Variants in C19orf47 observed in about 807,000 individuals in gnomAD.
C19orf47 encodes the protein chromosome 19 open reading frame 47.
Under a neutral mutation model 32.3 loss-of-function variants are expected in C19orf47, and 18 were observed. That is an observed-to-expected ratio of 0.56 (90% confidence interval 0.39 to 0.83). The LOEUF (loss-of-function observed/expected upper bound fraction) is 0.83. C19orf47 is among the 40% of genes least tolerant of loss of function. The probability of loss-of-function intolerance (pLI) is 0.00; values close to 1 mark genes in which losing one functional copy is unlikely to be tolerated. For synonymous variants in C19orf47, 202 were observed against 211.1 expected, an observed-to-expected ratio of 0.96 and a Z score of 0.37; for missense variants, 484 against 531.6, an observed-to-expected ratio of 0.91 and a Z score of 0.88.
At chr19:40,304,225 G>A in the C19orf47 span, among the ~76,000 whole-genome samples, 1 of 152,086 alleles carries the variant, frequency 6.6e-6, no homozygotes. Context: ...GTTTCAGATA[G>A]GAGAAATGAA....
intron 2 of C19orf47, among the ~76,000 whole-genome samples, chr19:40,338,617 G>A (rs186940652): frequency 8.2e-4 from 124 of 152,016 alleles, no homozygotes; most frequent in Admixed American, 1.4e-3. Flanking sequence ...ACTCCTGACC[G>A]TGTGATCCAC....
chr19:40,316,910 G>T (rs143321241), downstream of C19orf47, among the ~76,000 whole-genome samples: 1 of 151,914 alleles, frequency 6.6e-6, no homozygotes, highest in African/African-American at 2.4e-5. Flanking sequence ...ACTAAGACAC[G>T]TGTATGCTTG....
the C19orf47 span, among the ~76,000 whole-genome samples, chr19:40,311,472 G>A: frequency 6.6e-6 from 1 of 152,016 alleles, no homozygotes; most frequent in Non-Finnish European, 1.5e-5. Flanking sequence ...ACCCTGAGAG[G>A]CGGAGAGTGC....
At chr19:40,310,021 T>C in the C19orf47 span, among the ~76,000 whole-genome samples, 1 of 152,200 alleles carries the variant, frequency 6.6e-6, no homozygotes, top group Non-Finnish European at 1.5e-5. Flanking sequence ...CTAGGGTATA[T>C]ACCCAAGAGA....
At chr19:40,323,548 C>T (rs1331127933) in intron 8 of C19orf47, among the ~76,000 whole-genome samples, 1 of 152,252 alleles carries the variant, frequency 6.6e-6, no homozygotes, top group Non-Finnish European at 1.5e-5. Flanking sequence ...TCCTGTGGGC[C>T]GCACACACTG....
intron 2 of C19orf47, among the ~76,000 whole-genome samples, chr19:40,338,839 G>C (rs527384981): frequency 1.8e-4 from 28 of 152,306 alleles, no homozygotes; most frequent in Non-Finnish European, 3.5e-4. Flanking sequence ...TTTCAAGAGA[G>C]AGTGATAAAG....
At chr19:40,333,306 T>TAAAA (rs1555787133) in intron 5 of C19orf47, among the ~76,000 whole-genome samples, 21 of 150,754 alleles carry the variant, frequency 1.4e-4, no homozygotes, top group African/African-American at 5.1e-4. Flanking sequence ...AATAAATAAA[T>TAAAA]AAAATGGCCC....
chr19:40,302,605 T>C, the C19orf47 span, among the ~76,000 whole-genome samples: 1 of 152,192 alleles, frequency 6.6e-6, no homozygotes, highest in Non-Finnish European at 1.5e-5. Context: ...ATTGATCTCA[T>C]TGTGATTGTG....
At chr19:40,311,098 C>G in the C19orf47 span, among the ~76,000 whole-genome samples, 1 of 151,854 alleles carries the variant, frequency 6.6e-6, no homozygotes, top group Non-Finnish European at 1.5e-5. Context: ...AAAATTGGGC[C>G]GGGTGCAGTG....
rs1202108791 is a variant in C19orf47 at position 40,341,847 on chromosome 19, A to C, written c.11T>G (p.Val4Gly). 6.5e-7 allele frequency: 1 copy of C among 1,536,030 alleles called. No homozygotes were observed. The highest frequency in any genetic ancestry group is 8.7e-7 in the Non-Finnish European group (1 of 1,146,910). The change falls in exon 2 of 9, where the codon GTG (valine) becomes GGG (glycine). Residue 4 changes from valine to glycine, a missense_variant. Physicochemically the swap from Val to Gly is moderately radical, Grantham distance 109 (BLOSUM62 -3). Around this residue, in one of 3 missense-constraint regions of C19orf47, gnomAD observed 57 missense variants for 86.9 expected, o/e 0.66. Transcript: ENST00000683109. MVS[V>G]TMATSEWIQF... The stretch of plus-strand genomic sequence containing the variant: ...GAAGGCCACAGACTCACCCATAGTC[A>C]CGGAGACCATCGTCTCCCTGGCCCT...
the C19orf47 span, among the ~76,000 whole-genome samples, chr19:40,308,099 G>A: frequency 6.6e-6 from 1 of 152,082 alleles, no homozygotes; most frequent in Non-Finnish European, 1.5e-5. Context: ...ATGCTCTACT[G>A]ATAATTCAGG....
chr19:40,340,848 G>A (rs1448757019), intron 2 of C19orf47, among the ~76,000 whole-genome samples: 4 of 151,226 alleles, frequency 2.6e-5, no homozygotes, highest in African/African-American at 9.7e-5. Flanking sequence ...GCGTGATGGT[G>A]TGTGACTATA....
the C19orf47 span, among the ~76,000 whole-genome samples, chr19:40,294,410 G>T: frequency 5.3e-5 from 8 of 151,890 alleles, no homozygotes; most frequent in Non-Finnish European, 1.0e-4. Context: ...AATAACTCTG[G>T]TTTTTTTGTT....
chr19:40,306,151 CA>C, the C19orf47 span, among the ~76,000 whole-genome samples: 108 of 53,880 alleles, frequency 2.0e-3, no homozygotes, highest in East Asian at 5.3e-3. Flanking sequence ...AACTCTGTCT[CA>C]AAAAAAAAAA....
At chr19:40,315,518 C>G (rs184155903), downstream of C19orf47, among the ~76,000 whole-genome samples, 1 of 152,008 alleles carries the variant, frequency 6.6e-6, no homozygotes, top group African/African-American at 2.4e-5. Flanking sequence ...TGGTGGCTCA[C>G]GCCTGTAATC....
At chr19:40,336,037 C>T (rs1026658967) in intron 4 of C19orf47, 73 bp downstream of exon 4, 1 of 1,391,172 alleles carries the variant, frequency 7.2e-7, no homozygotes, top group Non-Finnish European at 1.0e-6. Context: ...TGCCAGGCCT[C>T]CCATTGGCTC....
chr19:40,337,546 G>C (rs2078089847), intron 2 of C19orf47, among the ~76,000 whole-genome samples: 1 of 151,964 alleles, frequency 6.6e-6, no homozygotes. Flanking sequence ...ATGACTGACA[G>C]TGTGCCATAG....
At chr19:40,308,131 C>T in the C19orf47 span, among the ~76,000 whole-genome samples, 1 of 151,860 alleles carries the variant, frequency 6.6e-6, no homozygotes, top group South Asian at 2.1e-4. Context: ...TGTAAAATGT[C>T]TGGAGGGAGG....
At chr19:40,300,164 A>T in the C19orf47 span, among the ~76,000 whole-genome samples, 1 of 152,080 alleles carries the variant, frequency 6.6e-6, no homozygotes, top group Admixed American at 6.6e-5. Flanking sequence ...GATAAAAAAC[A>T]TTTTTTTAAA....
Sources: allele counts gnomAD v4.1 joint callset (sites outside exome capture counted in the v4.1 genomes callset), GRCh38; gene constraint gnomAD v4.1.1; regional missense constraint gnomAD v4.1.1; transcripts MANE v1.5; gene names NCBI Gene and HGNC (gene_info 2026-07-23, HGNC 2026-07-21).